Variants in ZNF518A observed in about 807,000 individuals in gnomAD.
The protein encoded by ZNF518A is zinc finger protein 518A, also known as zinc finger protein 518.
A neutral mutation model predicts 102.7 loss-of-function variants in ZNF518A; 47 were observed. That is an observed-to-expected ratio of 0.46 (90% CI 0.36 to 0.58). The LOEUF is 0.58. Among genes scored for constraint, ZNF518A ranks in the 20% least tolerant of loss-of-function variants. ZNF518A has a pLI of 0.00. For missense variants in ZNF518A, 1,793 were observed against 1,699.8 expected (o/e 1.05, Z -0.96); for synonymous variants, 652 against 594.6 (o/e 1.10, Z -1.40).
rs2082900410 is a variant in ZNF518A, at chr10:96,159,646, G to A, written c.3324G>A (p.Lys1108=). 6.2e-7 allele frequency: 1 copy of A among 1,613,686 alleles called. No homozygotes were observed. The highest frequency in any genetic ancestry group is 2.2e-5 in the East Asian group (1 of 44,886). The change falls in exon 6 of 6, where the codon AAG becomes AAA. Residue 1108 remains lysine, a synonymous_variant. Transcript: ENST00000316045. The part of the protein sequence containing the change: ...LPDGKQAVFL[K]CVMPNKTELL... Reference sequence around the variant, plus strand: ...ATGGCAAACAAGCTGTTTTTTTAAAGTGTGTGATGCCAAATAAAACTGAGC... The same window carrying A: ...ATGGCAAACAAGCTGTTTTTTTAAAATGTGTGATGCCAAATAAAACTGAGC...
chr10:96,183,695 C>G (rs587735080), intron 1 of ZNF518A, among the ~76,000 whole-genome samples: 1 of 152,272 alleles, frequency 6.6e-6, no homozygotes, highest in Non-Finnish European at 1.5e-5. Flanking sequence ...GTTGTGATTT[C>G]TGTTCTTCTG....
At position 96,159,239 on chromosome 10, in the gene ZNF518A, A is replaced by T; in HGVS notation, c.2917A>T (p.Asn973Tyr). 1 of 1,613,546 alleles carries T rather than the reference A, an allele frequency of 6.2e-7. No homozygotes were observed. The highest frequency in any genetic ancestry group is 1.1e-5 in the South Asian group (1 of 91,012). Residue 973 changes from asparagine (N) to tyrosine (Y), a missense_variant, in exon 6 of 6, where the codon AAC becomes TAC. Physicochemically the swap from Asn to Tyr is moderately radical, Grantham distance 143. Coordinates refer to ENST00000316045, the MANE Select transcript of ZNF518A (RefSeq NM_001330736.2). The part of the protein sequence containing the change: ...SQGIPASLFV[N>Y]KKPGMVLTLN... ...AGGTATCCCTGCTTCTCTTTTTGTAAACAAGAAACCTGGGATGGTTTTAAC... is the reference window on the plus strand; with the variant it reads ...AGGTATCCCTGCTTCTCTTTTTGTATACAAGAAACCTGGGATGGTTTTAAC...
chr10:96,131,320 C>G (rs1294935628), intron 1 of ZNF518A, among the ~76,000 whole-genome samples: 3 of 152,106 alleles, frequency 2.0e-5, no homozygotes, highest in African/African-American at 7.2e-5. Context: ...GGTTGATATC[C>G]TCAGGTTTAA....
intron 3 of ZNF518A, among the ~76,000 whole-genome samples, chr10:96,141,748 A>AT (rs11361841): frequency 0.013 from 1,678 of 125,048 alleles, 35 homozygotes; most frequent in East Asian, 0.1. Flanking sequence ...TTTCTTCTTC[A>AT]TTTTTTTTTT....
chr10:96,150,225 T>C (rs2082367894), intron 3 of ZNF518A, among the ~76,000 whole-genome samples: 1 of 151,610 alleles, frequency 6.6e-6, no homozygotes, highest in South Asian at 2.1e-4. Context: ...TCCCAGCTAT[T>C]CGGGAGGCTG....
chr10:96,165,422 T>G (rs10509706), downstream of ZNF518A, among the ~76,000 whole-genome samples: 45,309 of 129,526 alleles, frequency 0.35, 7,996 homozygotes, highest in East Asian at 0.67. Context: ...GACCCGTCTA[T>G]AATAAGAGGC....
At position 96,161,301 on chromosome 10, in the gene ZNF518A, C is replaced by T. The variant is rs2082990613; in HGVS notation, c.*527C>T. 2 of 166,942 alleles carry T rather than the reference C, an allele frequency of 1.2e-5. No individual in the cohort carries two copies. The highest frequency in any genetic ancestry group is 2.4e-5 in the African/African-American group (1 of 41,442). The allele number at this position is 166,942 out of a possible 1,614,324, so 10.3% of individuals were successfully genotyped here. On this transcript the variant is annotated 3_prime_UTR_variant, in exon 6 of 6. Coordinates refer to ENST00000316045, the MANE Select transcript of ZNF518A (RefSeq NM_001330736.2). ...AGTTATTTTGAAGGATATTAGGCTC[C>T]TTGAAAGTACATTTAACTCACTACA...
intron 3 of ZNF518A, among the ~76,000 whole-genome samples, chr10:96,150,197 G>C (rs1028963433): frequency 1.3e-5 from 2 of 151,756 alleles, no homozygotes; most frequent in Non-Finnish European, 2.9e-5. Flanking sequence ...AACCAGGCGT[G>C]GTGGTGGGCT....
chr10:96,157,332 G>A lies in ZNF518A; in HGVS notation c.1010G>A (p.Ser337Asn). The change falls in exon 6 of 6, where the codon AGT becomes AAT. Residue 337 changes from serine (S) to asparagine (N), a missense_variant. Physicochemically the swap from Ser to Asn is conservative, Grantham distance 46. This residue lies in a region of ZNF518A where 1,741 missense variants were observed against 1,622.6 expected (regional missense o/e 1.07). Coordinates refer to ENST00000316045, the MANE Select transcript of ZNF518A (RefSeq NM_001330736.2). ...AAACGTAAGAAAATTAACAGTGGAA[G>A]TGACAGAAGTATAGAAAAGAACACT... ...FWKRKKINSG[S>N]DRSIEKNTQV... The A allele has an allele frequency of 6.2e-7, 1 of 1,611,274 alleles. No homozygotes were observed. The highest frequency in any genetic ancestry group is 8.5e-7 in the Non-Finnish European group (1 of 1,178,558).
rs587669189 is a variant in ZNF518A at position 96,186,449 on chromosome 10, G to A, written n.36-17125G>A. Among the ~76,000 whole-genome samples, 10 of 152,254 alleles carry A rather than the reference G, an allele frequency of 6.6e-5. No individual in the cohort carries two copies. In the South Asian group the frequency reaches 2.1e-3, roughly 32 times the overall value. On this transcript the variant is annotated intron_variant and non_coding_transcript_variant, in intron 1 of 2. Coordinates refer to the ZNF518A transcript ENST00000442635. ...AGTCTCTCTCTGTCATCAGACTGGA[G>A]TGCAGTGGCACGATCTTGGCTCACT...
intron 1 of ZNF518A, among the ~76,000 whole-genome samples, chr10:96,198,957 C>T (rs1287666067): frequency 1.3e-5 from 2 of 152,196 alleles, no homozygotes; most frequent in Non-Finnish European, 2.9e-5. Context: ...CCTCGGCCCC[C>T]CAAAGTGCTA....
At chr10:96,155,638 T>C (rs1340024579) in intron 4 of ZNF518A, 1 of 152,220 alleles carries the variant, frequency 6.6e-6, no homozygotes, top group South Asian at 2.1e-4. Context: ...CCGTCTTTGG[T>C]TGTTTCCGTT....
chr10:96,139,911 T>C (rs781978880), intron 3 of ZNF518A, among the ~76,000 whole-genome samples: 1 of 152,100 alleles, frequency 6.6e-6, no homozygotes, highest in African/African-American at 2.4e-5. Context: ...CAGGCTGGAG[T>C]GCAATGGTGT....
chr10:96,201,738 G>GCATTCATTCATT (rs59428057), intron 1 of ZNF518A, among the ~76,000 whole-genome samples: 169 of 138,704 alleles, frequency 1.2e-3, no homozygotes, highest in Admixed American at 1.7e-3. Flanking sequence ...AGACTTATCT[G>GCATTCATTCATT]CATTCATTCA....
intron 3 of ZNF518A, among the ~76,000 whole-genome samples, chr10:96,152,633 C>T (rs2082505153): frequency 6.6e-6 from 1 of 152,194 alleles, no homozygotes; most frequent in African/African-American, 2.4e-5. Flanking sequence ...ATTGTGTGAA[C>T]ATCAGAGTGT....
chr10:96,169,164 G>C (rs2083159625), intron 1 of ZNF518A, among the ~76,000 whole-genome samples: 1 of 150,674 alleles, frequency 6.6e-6, no homozygotes, highest in Non-Finnish European at 1.5e-5. Flanking sequence ...AAATAGCCCA[G>C]CTAACTTTTA....
At position 96,156,983 on chromosome 10, in the gene ZNF518A, A is replaced by G; in HGVS notation, c.661A>G (p.Thr221Ala). Residue 221 changes from threonine to alanine, a missense_variant, in exon 6 of 6, where the codon ACA (threonine) becomes GCA (alanine). By Grantham distance (58) the Thr-to-Ala change is moderately conservative. Around this residue, in one of 3 missense-constraint regions of ZNF518A, gnomAD observed 1,741 missense variants for 1,622.6 expected, o/e 1.07. Coordinates refer to ENST00000316045, the MANE Select transcript of ZNF518A (RefSeq NM_001330736.2). ...KCKFSTQDVGTFVQHIHRHNE... is the reference protein window; with the variant it reads ...KCKFSTQDVGAFVQHIHRHNE... ...TAAGTTCTCCACCCAGGATGTTGGCACATTTGTTCAGCACATTCATAGACA... is the reference window on the plus strand; with the variant it reads ...TAAGTTCTCCACCCAGGATGTTGGCGCATTTGTTCAGCACATTCATAGACA... 6.2e-7 allele frequency: 1 copy of G among 1,613,910 alleles called. No homozygotes were observed. Among genetic ancestry groups the G allele is most frequent in the Non-Finnish European group, 8.5e-7 (1 of 1,179,810 alleles).
intron 3 of ZNF518A, among the ~76,000 whole-genome samples, chr10:96,152,180 G>C (rs1320163489): frequency 6.6e-6 from 1 of 152,108 alleles, no homozygotes; most frequent in Non-Finnish European, 1.5e-5. Context: ...GACTGTGATG[G>C]TGTATACCTG....
chr10:96,164,961 C>T (rs2083113742), downstream of ZNF518A, among the ~76,000 whole-genome samples: 1 of 152,218 alleles, frequency 6.6e-6, no homozygotes, highest in African/African-American at 2.4e-5. Context: ...TTGCTAATGT[C>T]AAAGAATAGG....
Sources: gnomAD v4.1 joint callset for allele counts (sites outside exome capture counted in the v4.1 genomes callset) on GRCh38, gnomAD v4.1.1 for gene constraint, gnomAD v4.1.1 regional missense constraint, MANE v1.5 for transcripts, NCBI Gene and HGNC (gene_info 2026-07-23, HGNC 2026-07-21) for gene names.